ADCY6: variants seen among roughly 807,000 people sequenced by gnomAD.
ADCY6 encodes adenylate cyclase type 6.
ADCY6 carries 59 observed loss-of-function variants against 111.6 expected under a neutral mutation model. The observed-to-expected ratio is 0.53, with a 90% CI of 0.43 to 0.66. The LOEUF (loss-of-function observed/expected upper bound fraction) is 0.66, where lower values mean the gene tolerates loss of function less well. Ranked by LOEUF, ADCY6 falls within the 30% of genes least tolerant of loss-of-function variation. The pLI is 0.00. For missense variants in ADCY6, 1,242 were observed against 1,595.6 expected (o/e 0.78, Z 3.78); for synonymous variants, 576 against 642.9 (o/e 0.90, Z 1.57).
rs1258911470 is a variant in ADCY6, at chr12:48,782,934, C to CAGCAGCACCGCTGTG, written c.486_500dup (p.Thr163_Leu167dup). On this transcript the variant is annotated inframe_insertion, in exon 2 of 22. Coordinates refer to ENST00000357869, the MANE Select transcript of ADCY6 (RefSeq NM_015270.5). The surrounding 1 kb of genome is among the most constrained non-coding windows in gnomAD (Gnocchi z 4.3). ...GGCGGGCGGGTGCGGCGTGGAAAGCCAGCAGCACCGCTGTGAGCAGCACCA... is the reference window on the plus strand; with the variant it reads ...GGCGGGCGGGTGCGGCGTGGAAAGCCAGCAGCACCGCTGTGAGCAGCACCGCTGTGAGCAGCACCA... 6.2e-7 allele frequency: 1 copy of CAGCAGCACCGCTGTG among 1,613,374 alleles called. No homozygotes were observed. Among genetic ancestry groups the CAGCAGCACCGCTGTG allele is most frequent in the Non-Finnish European group, 8.5e-7 (1 of 1,179,924 alleles).
Position 48,771,488 on chromosome 12 carries a change from C to T in ADCY6, c.3051+222G>A. ...CCCCTACAGATCAAGTCCTCCCCTG[C>T]TCCCCAACAGTGATGACCCTGCCCC... On this transcript the variant is annotated intron_variant, in intron 19 of 21. Transcript: ENST00000357869. This position sits in a 1 kb window ranked among gnomAD's most constrained non-coding sequence, Gnocchi z 4.3. The T allele has an allele frequency of 2.9e-6, 2 of 687,734 alleles. No homozygotes were observed. The highest frequency in any genetic ancestry group is 3.3e-5 in the South Asian group (2 of 60,622). 42.6% of individuals were successfully genotyped at this position (687,734 alleles called of 1,614,324 possible).
At chr12:48,773,873 C>G (rs1341831835) in intron 15 of ADCY6, 67 bp downstream of exon 15, 34 of 1,579,714 alleles carry the variant, frequency 2.2e-5, no homozygotes, top group Non-Finnish European at 2.8e-5. Context: ...CATCACCAGG[C>G]CTGGCACAGA....
intron 13 of ADCY6, 53 bp downstream of exon 13, chr12:48,774,638 T>C: frequency 6.3e-7 from 1 of 1,593,402 alleles, no homozygotes; most frequent in Non-Finnish European, 8.6e-7. Context: ...ACCTCCTCCC[T>C]GTCTGGAGTC....
At position 48,782,470 on chromosome 12, in the gene ADCY6, A is replaced by G; in HGVS notation, c.864+101T>C. 6.8e-7 allele frequency: 1 copy of G among 1,478,732 alleles called. No homozygotes were observed. The highest frequency in any genetic ancestry group is 9.0e-7 in the Non-Finnish European group (1 of 1,113,580). The allele number at this position is 1,478,732 out of a possible 1,614,324, so 91.6% of individuals were successfully genotyped here. On this transcript the variant is annotated intron_variant, in intron 2 of 21. Coordinates refer to ENST00000357869, the MANE Select transcript of ADCY6 (RefSeq NM_015270.5). This position sits in a 1 kb window ranked among gnomAD's most constrained non-coding sequence, Gnocchi z 4.3. The stretch of plus-strand genomic sequence containing the variant: ...CCAGACATCCCTGCACCCAGCTTCC[A>G]CCCATGACTCACCCGCCCTTCCTCA...
intron 10 of ADCY6, 97 bp downstream of exon 10, chr12:48,775,576 A>C (rs777957357): frequency 6.3e-6 from 10 of 1,576,868 alleles, no homozygotes; most frequent in African/African-American, 1.4e-5. Flanking sequence ...CTGCTCCCAC[A>C]CAACACTCCT....
At position 48,771,626 on chromosome 12, in the gene ADCY6, C is replaced by CTT. The variant is rs761243170; in HGVS notation, c.3051+82_3051+83dup. ...TGGGTCCCATCAAATCTCTCTCTCTCTTCCCAGTTCCACTCACCCATTCCA... is the reference window on the plus strand; with the variant it reads ...TGGGTCCCATCAAATCTCTCTCTCTCTTTTCCCAGTTCCACTCACCCATTCCA... On this transcript the variant is annotated intron_variant, in intron 19 of 21. Coordinates refer to ENST00000357869, the MANE Select transcript of ADCY6 (RefSeq NM_015270.5). The surrounding 1 kb of genome is among the most constrained non-coding windows in gnomAD (Gnocchi z 4.3). 1.3e-6 allele frequency: 2 copies of CTT among 1,589,148 alleles called. No homozygotes were observed. The highest frequency in any genetic ancestry group is 1.7e-6 in the Non-Finnish European group (2 of 1,166,296).
intron 1 of ADCY6, among the ~76,000 whole-genome samples, chr12:48,784,922 G>A (rs1295645178): frequency 1.3e-5 from 2 of 152,092 alleles, no homozygotes; most frequent in African/African-American, 2.4e-5. Flanking sequence ...CCAGCTAACA[G>A]TGATAATCCT....
Position 48,788,981 on chromosome 12 carries a change from T to G in ADCY6, c.-80A>C, listed in dbSNP as rs1292165572. 44 of 120,470 alleles carry G rather than the reference T, an allele frequency of 3.7e-4. No individual in the cohort carries two copies. Among genetic ancestry groups the G allele is most frequent in the African/African-American group, 1.2e-3 (40 of 32,194 alleles). The allele number at this position is 120,470 out of a possible 1,614,324, so 7.5% of individuals were successfully genotyped here. A position where few individuals can be genotyped will look rare whatever the true frequency, so the allele number is the denominator to read the frequency against. ...CGGGCTCCGGCCGGCCGGCCGGCCG[T>G]CCCGCGGTCCTCCGAGCCCGCGCGT... On this transcript the variant is annotated 5_prime_UTR_variant, in exon 1 of 22. Transcript: ENST00000357869.
In ADCY6 at chr12:48,771,387, T is replaced by G; in HGVS notation, c.3051+323A>C. The G allele has an allele frequency of 3.9e-6, 2 of 512,530 alleles. No individual in the cohort carries two copies. The highest frequency in any genetic ancestry group is 4.3e-4 in the Middle Eastern group (1 of 2,338). The allele number at this position is 512,530 out of a possible 1,614,324, so 31.7% of individuals were successfully genotyped here. ...TCTCTATTCAGAGGACCATCTTGCTTGGTTGGTCTCATGAGGTTCTGTCCA... is the reference window on the plus strand; with the variant it reads ...TCTCTATTCAGAGGACCATCTTGCTGGGTTGGTCTCATGAGGTTCTGTCCA... On this transcript the variant is annotated intron_variant, in intron 19 of 21. Coordinates refer to ENST00000357869, the MANE Select transcript of ADCY6 (RefSeq NM_015270.5). The surrounding 1 kb of genome is among the most constrained non-coding windows in gnomAD (Gnocchi z 4.3).
intron 14 of ADCY6, 76 bp from the exon 15 acceptor site, chr12:48,774,174 C>T: frequency 7.3e-7 from 1 of 1,376,356 alleles, no homozygotes; most frequent in Non-Finnish European, 1.0e-6. Flanking sequence ...GCCATGTACC[C>T]TAACCTGGGC....
chr12:48,772,766 C>T (rs559415572), intron 16 of ADCY6, among the ~76,000 whole-genome samples: 2 of 152,178 alleles, frequency 1.3e-5, no homozygotes, highest in Non-Finnish European at 2.9e-5. Flanking sequence ...TGAGACAAGT[C>T]GCTTAACTCT....
At chr12:48,778,307 C>A (rs758721615) in intron 2 of ADCY6, 50 bp from the exon 3 acceptor site, 1 of 1,610,756 alleles carries the variant, frequency 6.2e-7, no homozygotes, top group Non-Finnish European at 8.5e-7. Context: ...TGCCTGCCCC[C>A]CTAAACACAC....
intron 2 of ADCY6, among the ~76,000 whole-genome samples, chr12:48,778,855 T>C (rs1941773451): frequency 6.7e-6 from 1 of 150,078 alleles, no homozygotes; most frequent in South Asian, 2.1e-4. Flanking sequence ...AGGTGTCTTC[T>C]ATACACTGAA....
At chr12:48,773,349 C>T in intron 16 of ADCY6, 120 bp downstream of exon 16, 1 of 1,154,790 alleles carries the variant, frequency 8.7e-7, no homozygotes, top group Non-Finnish European at 1.2e-6. Context: ...CCTCCCTTTC[C>T]CCCACAGGGG....
rs1181622409 is a variant in ADCY6 at position 48,768,089 on chromosome 12, C to CAG, written c.*500_*501dup. 1.6e-5 allele frequency: 3 copies of CAG among 188,924 alleles called. No homozygotes were observed. Among genetic ancestry groups the CAG allele is most frequent in the Non-Finnish European group, 1.1e-5 (1 of 89,638 alleles). 11.7% of individuals were successfully genotyped at this position (188,924 alleles called of 1,614,324 possible). A position where few individuals can be genotyped will look rare whatever the true frequency, so the allele number is the denominator to read the frequency against. ...CACCTGGCTGGGGTGGGGAAGTGCC[C>CAG]AGGACCAGTGCTGGGGATGCAGGTA... On this transcript the variant is annotated 3_prime_UTR_variant, in exon 22 of 22. Coordinates refer to ENST00000357869, the MANE Select transcript of ADCY6 (RefSeq NM_015270.5).
At chr12:48,775,766 C>A in intron 9 of ADCY6, 68 bp from the exon 10 acceptor site, 1 of 1,570,830 alleles carries the variant, frequency 6.4e-7, no homozygotes, top group East Asian at 2.3e-5. Context: ...AGCTCCTTCC[C>A]CCACCCCAAC....
Position 48,777,075 on chromosome 12 carries a change from A to C in ADCY6, c.1376+29T>G, listed in dbSNP as rs771783803. 45 of 1,553,304 alleles carry C rather than the reference A, an allele frequency of 2.9e-5. No individual in the cohort carries two copies. Among genetic ancestry groups the C allele is most frequent in the Non-Finnish European group, 3.8e-5 (44 of 1,148,610 alleles). On this transcript the variant is annotated intron_variant, in intron 6 of 21. Coordinates refer to ENST00000357869, the MANE Select transcript of ADCY6 (RefSeq NM_015270.5). This position sits in a 1 kb window ranked among gnomAD's most constrained non-coding sequence, Gnocchi z 4.9. The stretch of plus-strand genomic sequence containing the variant: ...AGCAGTCTGGGGCACCCGCAATTCC[A>C]GGAAGCCTAGGAATGGGGCACTGCT...
intron 1 of ADCY6, chr12:48,783,671 A>G: frequency 1.1e-6 from 1 of 929,000 alleles, no homozygotes; most frequent in Non-Finnish European, 1.5e-6. Flanking sequence ...AACCAGGCAC[A>G]GTGGCTTACA....
chr12:48,783,055 T>C lies in ADCY6; in HGVS notation c.380A>G (p.Gln127Arg). 2 of 1,613,328 alleles carry C rather than the reference T, an allele frequency of 1.2e-6. No homozygotes were observed. Among genetic ancestry groups the C allele is most frequent in the South Asian group, 2.2e-5 (2 of 91,086 alleles). ...CTTGGCCGAACGGAACTGCTTCGAC[T>C]GGAACACCTGCACCAGACGGCGCCA... is the stretch of plus-strand genomic sequence containing the variant. ...SCWRRLVQVF[Q>R]SKQFRSAKLE... Residue 127 changes from glutamine to arginine, a missense_variant, in exon 2 of 22, where the codon CAG becomes CGG. Physicochemically the swap from Gln to Arg is conservative, Grantham distance 43 (BLOSUM62 1). Around this residue, in one of 4 missense-constraint regions of ADCY6, gnomAD observed 362 missense variants for 377.2 expected, o/e 0.96. Transcript: ENST00000357869.
Sources: gnomAD v4.1 joint callset for allele counts (sites outside exome capture counted in the v4.1 genomes callset) on GRCh38, gnomAD v4.1.1 for gene constraint, gnomAD v4.1.1 regional missense constraint, Gnocchi (gnomAD v3.1) non-coding constraint, MANE v1.5 for transcripts, NCBI Gene and HGNC (gene_info 2026-07-23, HGNC 2026-07-21) for gene names.